Variants in GRM8 observed in about 807,000 individuals in gnomAD.
GRM8 encodes metabotropic glutamate receptor 8.
GRM8 carries 47 observed loss-of-function variants against 87.2 expected under a neutral mutation model. The observed-to-expected ratio is 0.54, with a 90% CI of 0.43 to 0.69. GRM8 has a LOEUF of 0.69. GRM8 is among the 30% of genes least tolerant of loss of function. The probability of loss-of-function intolerance (pLI) is 0.00; values close to 1 mark genes in which losing one functional copy is unlikely to be tolerated. For synonymous variants in GRM8, 396 were observed against 404.5 expected (o/e 0.98, Z 0.25); for missense variants, 1,019 against 1,139.2 (o/e 0.89, Z 1.52).
intron 6 of GRM8, among the ~76,000 whole-genome samples, chr7:126,894,141 C>A (rs187529317): frequency 6.6e-6 from 1 of 151,992 alleles, no homozygotes; most frequent in Non-Finnish European, 1.5e-5. Context: ...TACATTGTTC[C>A]TTTTTAAAAG....
At chr7:126,625,548 G>GTCT (rs1800589647) in intron 7 of GRM8, among the ~76,000 whole-genome samples, 1 of 152,058 alleles carries the variant, frequency 6.6e-6, no homozygotes, top group Non-Finnish European at 1.5e-5. Flanking sequence ...CTGTGGAAAT[G>GTCT]TCTTCATGAT....
intron 2 of GRM8, among the ~76,000 whole-genome samples, chr7:127,113,731 T>C (rs929744108): frequency 6.6e-6 from 1 of 152,098 alleles, no homozygotes; most frequent in East Asian, 1.9e-4. Flanking sequence ...CACCTGGCCT[T>C]GGGGTAGATT....
chr7:126,884,617 A>G (rs1417080559), intron 6 of GRM8, among the ~76,000 whole-genome samples: 1 of 152,178 alleles, frequency 6.6e-6, no homozygotes, highest in Non-Finnish European at 1.5e-5. Flanking sequence ...GTTGGGAAGA[A>G]CTGTCTTTCA....
At chr7:126,540,115 G>A (rs543664964) in intron 8 of GRM8, among the ~76,000 whole-genome samples, 10 of 151,898 alleles carry the variant, frequency 6.6e-5, no homozygotes, top group Non-Finnish European at 1.3e-4. Flanking sequence ...ACAGTTAAAA[G>A]ACCAATAATC....
At chr7:127,030,856 C>T (rs117718650) in intron 3 of GRM8, among the ~76,000 whole-genome samples, 10 of 152,166 alleles carry the variant, frequency 6.6e-5, no homozygotes, top group South Asian at 2.1e-4. Context: ...AGGATGTCCC[C>T]GACTCCTCTT....
chr7:126,948,271 G>A (rs942949617), intron 3 of GRM8, among the ~76,000 whole-genome samples: 2 of 151,924 alleles, frequency 1.3e-5, no homozygotes, highest in African/African-American at 2.4e-5. Context: ...ATTTTTCATG[G>A]AGGAGGATAT....
intron 7 of GRM8, among the ~76,000 whole-genome samples, chr7:126,747,952 T>A (rs1815898509): frequency 6.6e-6 from 1 of 152,026 alleles, no homozygotes; most frequent in South Asian, 2.1e-4. Context: ...TTAATGTTCA[T>A]ATATTTTATA....
intron 6 of GRM8, among the ~76,000 whole-genome samples, chr7:126,786,526 A>C (rs1313176489): frequency 6.6e-6 from 1 of 152,172 alleles, no homozygotes; most frequent in African/African-American, 2.4e-5. Flanking sequence ...ATCTCAAAAA[A>C]TGTGAGTGTC....
chr7:127,063,529 T>C (rs960909400), intron 3 of GRM8, among the ~76,000 whole-genome samples: 35 of 152,112 alleles, frequency 2.3e-4, no homozygotes, highest in African/African-American at 7.5e-4. Flanking sequence ...TGAGCAGAGA[T>C]TGCACCACTG....
intron 6 of GRM8, among the ~76,000 whole-genome samples, chr7:126,811,942 C>A (rs1362898755): frequency 6.6e-6 from 1 of 151,646 alleles, no homozygotes; most frequent in Non-Finnish European, 1.5e-5. Flanking sequence ...TGTTCCAGTT[C>A]TTAGAAGAAA....
intron 2 of GRM8, among the ~76,000 whole-genome samples, chr7:127,180,674 G>C (rs1186657559): frequency 6.6e-6 from 1 of 152,016 alleles, no homozygotes; most frequent in African/African-American, 2.4e-5. Context: ...TTCATACCAG[G>C]GATGCAGGGA....
At chr7:127,100,264 C>G (rs28951990) in intron 3 of GRM8, among the ~76,000 whole-genome samples, 7 of 152,180 alleles carry the variant, frequency 4.6e-5, no homozygotes, top group African/African-American at 1.4e-4. Context: ...CTACTGTGCA[C>G]GTTCAGCTAT....
chr7:126,484,566 C>G (rs758432636), intron 9 of GRM8, among the ~76,000 whole-genome samples: 4 of 152,032 alleles, frequency 2.6e-5, no homozygotes, highest in Non-Finnish European at 5.9e-5. Flanking sequence ...TTAAATGTAA[C>G]TACTACTTAA....
intron 6 of GRM8, among the ~76,000 whole-genome samples, chr7:126,816,522 T>C (rs1369901158): frequency 1.3e-5 from 2 of 152,104 alleles, no homozygotes; most frequent in Non-Finnish European, 2.9e-5. Context: ...TCAATATATA[T>C]CTAACCTTGG....
chr7:126,813,231 C>T (rs1287219774), intron 6 of GRM8, among the ~76,000 whole-genome samples: 1 of 152,012 alleles, frequency 6.6e-6, no homozygotes, highest in Non-Finnish European at 1.5e-5. Flanking sequence ...CATACAAAAA[C>T]TGATAGTATG....
At chr7:127,039,064 C>A (rs1818109236) in intron 3 of GRM8, among the ~76,000 whole-genome samples, 1 of 152,162 alleles carries the variant, frequency 6.6e-6, no homozygotes, top group South Asian at 2.1e-4. Context: ...ATTATGGAGG[C>A]TGGGTATATT....
intron 6 of GRM8, among the ~76,000 whole-genome samples, chr7:126,868,339 G>A (rs566768376): frequency 1.3e-5 from 2 of 152,374 alleles, no homozygotes; most frequent in African/African-American, 4.8e-5. Context: ...AGGCTAAGGA[G>A]CTGTGCAGAT....
chr7:126,781,634 A>G (rs917852361), intron 6 of GRM8, among the ~76,000 whole-genome samples: 1 of 152,248 alleles, frequency 6.6e-6, no homozygotes, highest in African/African-American at 2.4e-5. Context: ...AACACATGTT[A>G]TAACACCTTA....
chr7:127,163,673 G>T (rs1474733844), intron 2 of GRM8, among the ~76,000 whole-genome samples: 1 of 152,124 alleles, frequency 6.6e-6, no homozygotes, highest in Non-Finnish European at 1.5e-5. Flanking sequence ...GGGACAAAGT[G>T]ATATTTAAAT....
Sources: allele counts gnomAD v4.1 joint callset (sites outside exome capture counted in the v4.1 genomes callset), GRCh38; gene constraint gnomAD v4.1.1; transcripts MANE v1.5; gene names NCBI Gene and HGNC (gene_info 2026-07-23, HGNC 2026-07-21).